Variants in TTC34 observed in about 807,000 individuals in gnomAD.
TTC34 encodes tetratricopeptide repeat protein 34.
TTC34 carries 44 observed loss-of-function variants against 40.7 expected under a neutral mutation model. That is an observed-to-expected ratio of 1.08 (90% CI 0.85 to 1.39). TTC34 has a LOEUF of 1.39. TTC34 is among the 40% of genes most tolerant of loss of function. The pLI is 0.00. For missense variants in TTC34, 884 were observed against 838.0 expected, an observed-to-expected ratio of 1.05 and a Z score of -0.68; for synonymous variants, 422 against 398.6, an observed-to-expected ratio of 1.06 and a Z score of -0.70.
At chr1:2,758,477 A>C (rs1193526180) in intron 6 of TTC34, among the ~76,000 whole-genome samples, 48 of 62,676 alleles carry the variant, frequency 7.7e-4, no homozygotes, top group African/African-American at 1.6e-3. Flanking sequence ...GCACCCACAC[A>C]CCCAGGCGAG....
chr1:2,789,335 GC>G (rs1414858367), intron 3 of TTC34, among the ~76,000 whole-genome samples, 167 bp downstream of exon 3: 1 of 152,246 alleles, frequency 6.6e-6, no homozygotes, highest in Admixed American at 6.5e-5. Flanking sequence ...CCGGACTGCG[GC>G]CCGGTCGATG....
At chr1:2,686,422 C>G (rs1168015176) in intron 6 of TTC34, among the ~76,000 whole-genome samples, 64 of 148,618 alleles carry the variant, frequency 4.3e-4, no homozygotes, top group African/African-American at 1.5e-3. Context: ...CATCTGACAG[C>G]CTGGAACAGA....
chr1:2,700,132 C>A (rs1438860768), intron 6 of TTC34, among the ~76,000 whole-genome samples: 1 of 112,994 alleles, frequency 8.9e-6, no homozygotes, highest in Non-Finnish European at 2.1e-5. Context: ...AGCATCCTCA[C>A]CCCAGGTGAG....
At chr1:2,660,182 CCCACACCCCCAGGTGA>C (rs2100254659) in intron 6 of TTC34, among the ~76,000 whole-genome samples, 3 of 86,728 alleles carry the variant, frequency 3.5e-5, no homozygotes, top group African/African-American at 1.3e-4. Context: ...TGGAACAGCA[CCCACACCCCCAGGTGA>C]GCATCTGACA....
At position 2,800,978 on chromosome 1, in the gene TTC34, G is replaced by A; in HGVS notation, c.-41-110C>T. On this transcript the variant is annotated intron_variant, in intron 1 of 8. Transcript: ENST00000401095. The stretch of plus-strand genomic sequence containing the variant: ...TCCACCCCTTCCCATTGACCCCACG[G>A]TCAGTGCAGACCCCACTGGGTGAAA... 4 of 397,738 alleles carry A rather than the reference G, an allele frequency of 1.0e-5. No individual in the cohort carries two copies. The Admixed American group carries it at 1.8e-4, about 18-fold the overall frequency. The allele number at this position is 397,738 out of a possible 1,614,324, so 24.6% of individuals were successfully genotyped here.
chr1:2,647,767 G>A (rs1161640297), intron 6 of TTC34, among the ~76,000 whole-genome samples: 2 of 152,204 alleles, frequency 1.3e-5, no homozygotes, highest in African/African-American at 4.8e-5. Flanking sequence ...ACAGGTGTGA[G>A]CCATGATGCT....
At chr1:2,686,752 G>C (rs200659795) in intron 6 of TTC34, among the ~76,000 whole-genome samples, 1 of 24,504 alleles carries the variant, frequency 4.1e-5, no homozygotes, top group Non-Finnish European at 7.6e-5. Flanking sequence ...AGCCTGGAAC[G>C]GCACCCACAC....
At chr1:2,646,446 A>G (rs796327580) in intron 6 of TTC34, among the ~76,000 whole-genome samples, 3 of 152,238 alleles carry the variant, frequency 2.0e-5, no homozygotes, top group African/African-American at 7.2e-5. Context: ...GTGCAGTGGC[A>G]TGATCTTGGT....
chr1:2,756,717 G>A (rs1641519279), intron 6 of TTC34, among the ~76,000 whole-genome samples: 2 of 42,396 alleles, frequency 4.7e-5, no homozygotes, highest in Non-Finnish European at 8.1e-5. Flanking sequence ...CCCTAGGTGA[G>A]CATCTGACAG....
chr1:2,677,706 T>C (rs1470831044), intron 6 of TTC34, among the ~76,000 whole-genome samples: 3 of 146,392 alleles, frequency 2.0e-5, no homozygotes, highest in Non-Finnish European at 3.0e-5. Context: ...GATGAGCATC[T>C]GACAGCCTGG....
intron 6 of TTC34, among the ~76,000 whole-genome samples, chr1:2,656,372 A>G (rs58842912): frequency 0.55 from 3,309 of 5,968 alleles, 1,063 homozygotes; most frequent in South Asian, 0.62. Flanking sequence ...AACAGCACCC[A>G]CACCCACAGG....
At chr1:2,697,584 CAT>C (rs1640925269) in intron 6 of TTC34, among the ~76,000 whole-genome samples, 1 of 45,098 alleles carries the variant, frequency 2.2e-5, no homozygotes, top group Non-Finnish European at 4.9e-5. Flanking sequence ...GAGCATCCGA[CAT>C]CCTGAAACAG....
chr1:2,652,726 C>A (rs374300186), intron 6 of TTC34, among the ~76,000 whole-genome samples: 3 of 117,566 alleles, frequency 2.6e-5, no homozygotes, highest in African/African-American at 1.0e-4. Context: ...GCACCCACAC[C>A]CCCAGGTGAG....
chr1:2,783,702 C>A lies in TTC34; in HGVS notation c.2133G>T (p.Met711Ile), dbSNP rs557168678. The A allele has an allele frequency of 1.3e-5, 20 of 1,545,908 alleles. No individual in the cohort carries two copies. The South Asian group carries it at 2.4e-4, about 19-fold the overall frequency. The change falls in exon 6 of 9, where the codon ATG becomes ATT. Residue 711 changes from methionine to isoleucine, a missense_variant. By Grantham distance (10) the Met-to-Ile change is conservative. Coordinates refer to ENST00000401095, the Ensembl canonical transcript of TTC34. ...CCCGCAGCACTGTGTTGAAGTCGAACATGGCCGTCTTCTTCTGGCCCAGGA... is the reference window on the plus strand; with the variant it reads ...CCCGCAGCACTGTGTTGAAGTCGAAAATGGCCGTCTTCTTCTGGCCCAGGA...
chr1:2,695,532 GAC>G (rs748142864), intron 6 of TTC34, among the ~76,000 whole-genome samples: 5 of 51,594 alleles, frequency 9.7e-5, no homozygotes, highest in Non-Finnish European at 1.7e-4. Context: ...GCGAGTATCT[GAC>G]AGCCTGGAAC....
intron 6 of TTC34, among the ~76,000 whole-genome samples, chr1:2,683,358 G>T: frequency 1.4e-5 from 2 of 145,272 alleles, no homozygotes; most frequent in African/African-American, 5.2e-5. Flanking sequence ...GCACCCCCAG[G>T]TGAGCATCTG....
In TTC34 at chr1:2,750,977, G is replaced by A. The variant is rs1172633083; in HGVS notation, c.2226+32632C>T. ...GAGCAGCACCCACACCCCCAGGTGC[G>A]CATGTGATGGTCTGGAGCAGCACCC... On this transcript the variant is annotated intron_variant, in intron 6 of 8. Coordinates refer to ENST00000401095, the Ensembl canonical transcript of TTC34. Among the ~76,000 whole-genome samples the A allele has an allele frequency of 4.5e-4, 50 of 112,028 alleles. 9 individuals are homozygous for A. Among genetic ancestry groups the A allele is most frequent in the African/African-American group, 1.8e-3 (45 of 24,354 alleles). 73.5% of individuals were successfully genotyped at this position (112,028 alleles called of 152,430 possible).
At chr1:2,787,359 T>C (rs918448005) in intron 4 of TTC34, 122 bp downstream of exon 4, 8 of 859,244 alleles carry the variant, frequency 9.3e-6, no homozygotes, top group Non-Finnish European at 1.3e-5. Flanking sequence ...TGGGGCTGAA[T>C]GCAGTCGCCT....
chr1:2,777,353 C>T (rs1433920410), intron 6 of TTC34, among the ~76,000 whole-genome samples: 2 of 149,014 alleles, frequency 1.3e-5, no homozygotes, highest in African/African-American at 5.0e-5. Context: ...GAGCATCTGA[C>T]AGCCTGGAGC....
Sources: allele counts gnomAD v4.1 joint callset (sites outside exome capture counted in the v4.1 genomes callset), GRCh38; gene constraint gnomAD v4.1.1; transcripts MANE v1.5; gene names NCBI Gene and HGNC (gene_info 2026-07-23, HGNC 2026-07-21).